The following INO80C variants were observed in gnomAD, a reference collection of about 807,000 sequenced individuals.
The protein encoded by INO80C is IES6 homolog.
Under a neutral mutation model 17.7 loss-of-function variants are expected in INO80C, and 17 were observed. That is an observed-to-expected ratio of 0.96 (90% CI 0.66 to 1.44). The LOEUF (loss-of-function observed/expected upper bound fraction) is 1.44. Ranked by LOEUF, INO80C falls within the 40% of genes most tolerant of loss-of-function variation. The pLI, the probability that INO80C is intolerant of heterozygous loss-of-function variation, is 0.00. For missense variants in INO80C, 244 were observed against 245.0 expected (o/e 1.00, Z 0.03); for synonymous variants, 96 against 95.8 (o/e 1.00, Z -0.01).
intron 4 of INO80C, among the ~76,000 whole-genome samples, chr18:35,476,903 A>C (rs1340950525): frequency 6.6e-6 from 1 of 152,232 alleles, no homozygotes; most frequent in Non-Finnish European, 1.5e-5. Flanking sequence ...ACAACTCAAC[A>C]ATATGCTTTC....
At chr18:35,470,638 G>A (rs1407161737) in intron 4 of INO80C, among the ~76,000 whole-genome samples, 1 of 152,202 alleles carries the variant, frequency 6.6e-6, no homozygotes, top group Non-Finnish European at 1.5e-5. Context: ...AGCAAACTGT[G>A]CTGAGCCGGC....
chr18:35,476,935 T>C (rs2045744190), intron 4 of INO80C, among the ~76,000 whole-genome samples: 1 of 152,112 alleles, frequency 6.6e-6, no homozygotes, highest in Admixed American at 6.5e-5. Context: ...ACTTTAAATA[T>C]ATAGATAGTT....
chr18:35,474,270 G>C (rs1483415292), intron 4 of INO80C, among the ~76,000 whole-genome samples: 1 of 126,606 alleles, frequency 7.9e-6, no homozygotes, highest in Non-Finnish European at 1.6e-5. Context: ...AGTCTTAAAA[G>C]ACAAGGAAAT....
chr18:35,474,416 G>A (rs953639980), intron 4 of INO80C, among the ~76,000 whole-genome samples: 22 of 151,516 alleles, frequency 1.5e-4, no homozygotes, highest in African/African-American at 4.9e-4. Context: ...GGTCAGGCAC[G>A]GTGGCTCACA....
At chr18:35,471,009 C>T (rs1180077416) in intron 4 of INO80C, among the ~76,000 whole-genome samples, 2 of 152,228 alleles carry the variant, frequency 1.3e-5, no homozygotes, top group African/African-American at 4.8e-5. Context: ...ATACACTTTT[C>T]ATAGCTCTGT....
intron 1 of INO80C, among the ~76,000 whole-genome samples, chr18:35,493,827 G>T (rs1028480356): frequency 1.3e-5 from 2 of 152,186 alleles, no homozygotes; most frequent in African/African-American, 2.4e-5. Flanking sequence ...AAAATTCCAT[G>T]AAAGTTTTAC....
In INO80C at chr18:35,488,801, T is replaced by A. The variant is rs958002604; in HGVS notation, c.157-8238A>T. ...CTGCAAATTTTCTGGACTTTTATGC[T>A]CTGTTTCCCTTTTAAAACGGAATGC... On this transcript the variant is annotated intron_variant, in intron 1 of 4. Coordinates refer to ENST00000334598, the MANE Select transcript of INO80C (RefSeq NM_194281.4). 4.6e-5 allele frequency among the ~76,000 whole-genome samples: 7 copies of A among 152,298 alleles called. 1 individual carries two copies. The highest frequency in any genetic ancestry group is 4.6e-4 in the Admixed American group (7 of 15,300).
intron 4 of INO80C, among the ~76,000 whole-genome samples, chr18:35,475,939 T>C (rs2045730893): frequency 6.6e-6 from 1 of 151,720 alleles, no homozygotes; most frequent in Admixed American, 6.6e-5. Flanking sequence ...CAGCCATACA[T>C]TTTGTTTGTA....
intron 1 of INO80C, among the ~76,000 whole-genome samples, chr18:35,494,201 A>G (rs142649091): frequency 2.8e-4 from 43 of 152,294 alleles, no homozygotes; most frequent in Non-Finnish European, 5.0e-4. Flanking sequence ...AGACATTACT[A>G]TATCTTCCTA....
Position 35,478,415 on chromosome 18 carries a change from T to TCAA in INO80C, c.380-67_380-66insTTG, listed in dbSNP as rs2045764371. 3 of 1,239,356 alleles carry TCAA rather than the reference T, an allele frequency of 2.4e-6. No individual in the cohort carries two copies. The African/African-American group carries it at 4.6e-5, about 19-fold the overall frequency. 76.8% of individuals were successfully genotyped at this position (1,239,356 alleles called of 1,614,324 possible). On this transcript the variant is annotated intron_variant, in intron 3 of 4. Coordinates refer to ENST00000334598, the MANE Select transcript of INO80C (RefSeq NM_194281.4). ...AAACATTCAAATCCCTTCTCTTTTT[T>TCAA]TTTCTAAAATAGTATTTGATAATAT...
At chr18:35,489,935 G>A (rs1399779450) in intron 1 of INO80C, among the ~76,000 whole-genome samples, 2 of 151,742 alleles carry the variant, frequency 1.3e-5, no homozygotes, top group Non-Finnish European at 2.9e-5. Flanking sequence ...TTTCCTAACT[G>A]TCCTTATGTA....
intron 1 of INO80C, among the ~76,000 whole-genome samples, chr18:35,494,554 C>G (rs1446739880): frequency 2.6e-5 from 4 of 152,206 alleles, no homozygotes; most frequent in Admixed American, 2.0e-4. Context: ...TGGCAAGGAA[C>G]ACGGGCAGCA....
intron 1 of INO80C, among the ~76,000 whole-genome samples, chr18:35,481,701 T>C (rs2045810662): frequency 6.6e-6 from 1 of 152,124 alleles, no homozygotes; most frequent in Non-Finnish European, 1.5e-5. Flanking sequence ...CTGGCCAACA[T>C]GGTGAAACTC....
At chr18:35,489,866 GT>G (rs1567987637) in intron 1 of INO80C, among the ~76,000 whole-genome samples, 1 of 152,076 alleles carries the variant, frequency 6.6e-6, no homozygotes, top group African/African-American at 2.4e-5. Context: ...GCCCTCCTCT[GT>G]TAACACCCCT....
chr18:35,479,495 C>T (rs1181979176), intron 2 of INO80C, 84 bp from the exon 3 acceptor site: 4 of 777,868 alleles, frequency 5.1e-6, no homozygotes, highest in Non-Finnish European at 8.9e-6. Context: ...CTAATCATAA[C>T]TGTAATATAC....
intron 1 of INO80C, among the ~76,000 whole-genome samples, chr18:35,494,776 G>A (rs1294568190): frequency 6.6e-6 from 1 of 152,190 alleles, no homozygotes; most frequent in Non-Finnish European, 1.5e-5. Flanking sequence ...ACAGAACCAT[G>A]AGCTACTAAA....
intron 1 of INO80C, chr18:35,489,324 G>T: frequency 3.6e-6 from 1 of 274,458 alleles, no homozygotes; most frequent in Non-Finnish European, 7.2e-6. Flanking sequence ...GAGATTTAAT[G>T]GACTCACAGT....
chr18:35,474,160 CATATAT>C (rs34417349), intron 4 of INO80C, among the ~76,000 whole-genome samples: 1 of 101,868 alleles, frequency 9.8e-6, no homozygotes, highest in Non-Finnish European at 2.0e-5. Flanking sequence ...TTAAAATATA[CATATAT>C]ATATATATAT....
At position 35,478,351 on chromosome 18, in the gene INO80C, T is replaced by C. The variant is rs777406746; in HGVS notation, c.380-2A>G. 42 of 1,494,938 alleles carry C rather than the reference T, an allele frequency of 2.8e-5. No homozygotes were observed. The highest frequency in any genetic ancestry group is 3.7e-5 in the Non-Finnish European group (41 of 1,116,742). 92.6% of individuals were successfully genotyped at this position (1,494,938 alleles called of 1,614,324 possible). A position where few individuals can be genotyped will look rare whatever the true frequency, so the allele number is the denominator to read the frequency against. On this transcript the variant is annotated splice_acceptor_variant, in intron 3 of 4. Transcript: ENST00000334598. LOFTEE classifies it high-confidence loss of function. The stretch of plus-strand genomic sequence containing the variant: ...ATGGAGGAGCATCAATACTGAAGTC[T>C]GGGAAAAAAAAAAAAAAAAGATAAC...
Sources: allele counts gnomAD v4.1 joint callset (sites outside exome capture counted in the v4.1 genomes callset), GRCh38; gene constraint gnomAD v4.1.1; transcripts MANE v1.5; gene names NCBI Gene and HGNC (gene_info 2026-07-23, HGNC 2026-07-21).